CD44: variants seen among roughly 807,000 people sequenced by gnomAD.
The protein encoded by CD44 is CD44 antigen.
Under a neutral mutation model 88.8 loss-of-function variants are expected in CD44, and 49 were observed. The ratio of observed to expected loss-of-function variants is 0.55; its 90% CI spans 0.44 to 0.70. CD44 has a LOEUF of 0.70. CD44 is among the 30% of genes least tolerant of loss of function. The pLI, the probability that CD44 is intolerant of heterozygous loss-of-function variation, is 0.00. For synonymous variants in CD44, 325 were observed against 312.3 expected (o/e 1.04, Z -0.43); for missense variants, 883 against 913.8 (o/e 0.97, Z 0.43).
chr11:35,182,008 TG>T (rs1353402349), intron 3 of CD44, among the ~76,000 whole-genome samples: 10 of 110,074 alleles, frequency 9.1e-5, no homozygotes, highest in Admixed American at 1.4e-4. Context: ...TTTATATATA[TG>T]TATATATGTA....
intron 1 of CD44, among the ~76,000 whole-genome samples, chr11:35,158,331 T>C (rs929277153): frequency 9.9e-5 from 15 of 152,172 alleles, no homozygotes; most frequent in African/African-American, 3.1e-4. Flanking sequence ...AGTTTGCTTC[T>C]GGTGTGCTGG....
At chr11:35,206,698 C>T (rs1298616715) in intron 11 of CD44, among the ~76,000 whole-genome samples, 4 of 150,844 alleles carry the variant, frequency 2.7e-5, no homozygotes, top group African/African-American at 9.8e-5. Context: ...AAGAAGGAGA[C>T]TCCTGTAAGG....
chr11:35,210,281 A>G lies in CD44; in HGVS notation c.1606+227A>G, dbSNP rs187201027. ...TCATCTTAAAAGTTGGGTTTCTTTC[A>G]CTCTAGAGTTAGTGATTTGTTTTAA... On this transcript the variant is annotated intron_variant, in intron 13 of 17. Transcript: ENST00000428726. 6.8e-4 allele frequency: 223 copies of G among 329,180 alleles called. 2 individuals carry two copies. The East Asian group carries it at 0.011, about 16-fold the overall frequency. The allele number at this position is 329,180 out of a possible 1,614,324, so 20.4% of individuals were successfully genotyped here.
chr11:35,196,883 T>C lies in CD44; in HGVS notation c.796+9T>C. 1 of 1,612,220 alleles carries C rather than the reference T, an allele frequency of 6.2e-7. No individual in the cohort carries two copies. The highest frequency in any genetic ancestry group is 8.5e-7 in the Non-Finnish European group (1 of 1,178,726). On this transcript the variant is annotated intron_variant, in intron 6 of 17. Transcript: ENST00000428726. ...AACAACACAAATGGCTGGTAATGAG[T>C]TATTATTATCTCATAGCGTATGTTT...
intron 11 of CD44, among the ~76,000 whole-genome samples, chr11:35,206,715 G>A (rs982079029): frequency 3.4e-5 from 5 of 146,430 alleles, no homozygotes; most frequent in Admixed American, 6.8e-5. Context: ...AAGGAGAAAC[G>A]TGAAGGAAGA....
At chr11:35,206,014 T>C in intron 10 of CD44, 98 bp from the exon 11 acceptor site, 1 of 1,411,166 alleles carries the variant, frequency 7.1e-7, no homozygotes. Context: ...TTCATTGTCT[T>C]GTCTAGAGAA....
intron 1 of CD44, among the ~76,000 whole-genome samples, chr11:35,167,157 TG>T (rs1943380466): frequency 6.6e-6 from 1 of 152,260 alleles, no homozygotes; most frequent in Non-Finnish European, 1.5e-5. Context: ...GTGGCTTTTT[TG>T]AGAGCAGCTT....
chr11:35,139,636 C>A (rs770772885), intron 1 of CD44: 10 of 726,902 alleles, frequency 1.4e-5, no homozygotes, highest in African/African-American at 5.1e-5. Context: ...TGGGCGAGGT[C>A]GCTAGAGCTG....
intron 3 of CD44, among the ~76,000 whole-genome samples, chr11:35,181,905 T>TATTATATATTATATTATATATA (rs1291148360): frequency 1.5e-5 from 1 of 66,106 alleles, no homozygotes; most frequent in Non-Finnish European, 2.6e-5. Context: ...ATATAATATA[T>TATTATATATTATATTATATATA]AATATATATT....
rs1274145098 is a variant in CD44, at chr11:35,201,213, T to G, written c.1036+18T>G. 6.5e-7 allele frequency: 1 copy of G among 1,545,324 alleles called. No homozygotes were observed. The highest frequency in any genetic ancestry group is 1.1e-5 in the South Asian group (1 of 89,734). On this transcript the variant is annotated intron_variant, in intron 8 of 17. Transcript: ENST00000428726. The stretch of plus-strand genomic sequence containing the variant: ...GATGACTGGTAATGGGTTCTGCATA[T>G]TTAATGAAAGATTTTTTTCCCCTCA...
rs1949102048 is a variant in CD44, at chr11:35,219,337, A to G, written c.1895A>G (p.Glu632Gly). 1 of 1,613,732 alleles carries G rather than the reference A, an allele frequency of 6.2e-7. No homozygotes were observed. Among genetic ancestry groups the G allele is most frequent in the African/African-American group, 1.3e-5 (1 of 74,922 alleles). The stretch of plus-strand genomic sequence containing the variant: ...TTAGGACACTCACATGGGAGTCAAG[A>G]AGGTGGAGCAAACACAACCTCTGGT... Reference protein sequence around the residue: ...ESDGHSHGSQEGGANTTSGPI... With the variant: ...ESDGHSHGSQGGGANTTSGPI... The change falls in exon 16 of 18, where the codon GAA (glutamate) becomes GGA (glycine). Residue 632 changes from glutamate to glycine, a missense_variant. By Grantham distance (98) the Glu-to-Gly change is moderately conservative (BLOSUM62 -2). Around this residue, in one of 2 missense-constraint regions of CD44, gnomAD observed 631 missense variants for 590.9 expected, o/e 1.07. Transcript: ENST00000428726.
chr11:35,220,617 A>C (rs1949214042), intron 16 of CD44, among the ~76,000 whole-genome samples: 1 of 152,224 alleles, frequency 6.6e-6, no homozygotes, highest in Non-Finnish European at 1.5e-5. Flanking sequence ...GCCTGATTTC[A>C]AAATGTGTAG....
Position 35,211,388 on chromosome 11 carries a change from C to A in CD44, c.1749C>A (p.Ser583=), listed in dbSNP as rs763094295. The change falls in exon 14 of 18, where the codon TCC becomes TCA. Residue 583 remains serine (S), a synonymous_variant. Transcript: ENST00000428726. ...CAGTGACCTCAGCTAAGACTGGGTC[C>A]TTTGGAGTTACTGCAGTTACTGTTG... ...FIPVTSAKTG[S]FGVTAVTVGD... 3 of 1,613,960 alleles carry A rather than the reference C, an allele frequency of 1.9e-6. No homozygotes were observed. In the South Asian group the frequency reaches 3.3e-5, roughly 18 times the overall value.
chr11:35,230,668 A>AT lies in CD44; in HGVS notation c.*1336dup, dbSNP rs564446399. ...CCCATCATTGGAATCTTATCACCAG[A>AT]TAGGCAAGTTTATGACCAAACAAGA... On this transcript the variant is annotated 3_prime_UTR_variant, in exon 18 of 18. Coordinates refer to ENST00000428726, the MANE Select transcript of CD44 (RefSeq NM_000610.4). 2.2e-4 allele frequency: 33 copies of AT among 152,234 alleles called. No homozygotes were observed. Among genetic ancestry groups the AT allele is most frequent in the Admixed American group, 1.4e-3 (22 of 15,278 alleles). 9.4% of individuals were successfully genotyped at this position (152,234 alleles called of 1,614,324 possible).
intron 5 of CD44, among the ~76,000 whole-genome samples, chr11:35,191,702 T>G (rs1228298845): frequency 1.3e-5 from 2 of 152,226 alleles, no homozygotes; most frequent in East Asian, 3.8e-4. Flanking sequence ...AACTTGGGAC[T>G]ATATGTAGTT....
chr11:35,171,937 A>G (rs1943947277), intron 1 of CD44, among the ~76,000 whole-genome samples: 1 of 152,138 alleles, frequency 6.6e-6, no homozygotes. Flanking sequence ...CCTTTGTTTG[A>G]TGAGAATAAT....
At chr11:35,186,189 T>C (rs1344937561) in intron 3 of CD44, among the ~76,000 whole-genome samples, 1 of 152,218 alleles carries the variant, frequency 6.6e-6, no homozygotes, top group Non-Finnish European at 1.5e-5. Context: ...AGTAAGCACC[T>C]AAAAGATCAG....
chr11:35,206,921 A>G (rs1947921953), intron 11 of CD44, among the ~76,000 whole-genome samples: 1 of 152,242 alleles, frequency 6.6e-6, no homozygotes, highest in African/African-American at 2.4e-5. Flanking sequence ...AGATCTTCAG[A>G]ATCAATATTA....
intron 3 of CD44, among the ~76,000 whole-genome samples, chr11:35,185,229 C>G (rs568025643): frequency 4.6e-5 from 7 of 152,142 alleles, no homozygotes; most frequent in African/African-American, 1.7e-4. Context: ...AAGGAATGGC[C>G]TCGCCAAGGA....
Sources: allele counts gnomAD v4.1 joint callset (sites outside exome capture counted in the v4.1 genomes callset), GRCh38; gene constraint gnomAD v4.1.1; regional missense constraint gnomAD v4.1.1; transcripts MANE v1.5; gene names NCBI Gene and HGNC (gene_info 2026-07-23, HGNC 2026-07-21).